Variants in VPS13C observed in about 807,000 individuals in gnomAD.
The protein encoded by VPS13C is vacuolar protein sorting 13 homolog C.
A neutral mutation model predicts 456.8 loss-of-function variants in VPS13C; 358 were observed. That is an observed-to-expected ratio of 0.78 (90% CI 0.72 to 0.86). The LOEUF (loss-of-function observed/expected upper bound fraction) is 0.86, where lower values mean the gene tolerates loss of function less well. Among genes scored for constraint, VPS13C ranks in the 40% least tolerant of loss-of-function variants. The probability of loss-of-function intolerance (pLI) is 0.00; values close to 1 mark genes in which losing one functional copy is unlikely to be tolerated. For missense variants in VPS13C, 4,818 were observed against 4,385.4 expected, an observed-to-expected ratio of 1.10 and a Z score of -2.79; for synonymous variants, 1,578 against 1,486.7, an observed-to-expected ratio of 1.06 and a Z score of -1.41.
chr15:62,032,505 G>A (rs2047852947), intron 5 of VPS13C, among the ~76,000 whole-genome samples: 1 of 151,508 alleles, frequency 6.6e-6, no homozygotes, highest in Admixed American at 6.6e-5. Flanking sequence ...CAATATTTCT[G>A]CATAAGAAAA....
At chr15:61,995,941 A>T (rs2140437600) in intron 16 of VPS13C, among the ~76,000 whole-genome samples, 1 of 152,224 alleles carries the variant, frequency 6.6e-6, no homozygotes, top group East Asian at 1.9e-4. Context: ...CAAGGGCCTC[A>T]CCATGGAGCA....
At position 61,951,955 on chromosome 15, in the gene VPS13C, G is replaced by C; in HGVS notation, c.4325C>G (p.Ser1442Ter). 3.1e-6 allele frequency: 5 copies of C among 1,612,594 alleles called. No individual in the cohort carries two copies. Among genetic ancestry groups the C allele is most frequent in the Non-Finnish European group, 4.2e-6 (5 of 1,179,470 alleles). The change falls in exon 39 of 85, where the codon TCA becomes TGA. Residue 1442 changes from serine (S) to a stop codon, truncating the protein, a stop_gained. Coordinates refer to ENST00000644861, the MANE Select transcript of VPS13C (RefSeq NM_020821.3). LOFTEE classifies it high-confidence loss of function. ...KEVVVTLMKK[S>*]EKKGRPLHEL... is the part of the protein sequence containing the mutation. ...ATGTAAAGGCCTTCCTTTCTTTTCT[G>C]ATTTTTTCATCAAAGTAACCACAAC...
intron 16 of VPS13C, among the ~76,000 whole-genome samples, chr15:61,995,742 T>C (rs2046362318): frequency 6.6e-6 from 1 of 152,186 alleles, no homozygotes; most frequent in Non-Finnish European, 1.5e-5. Flanking sequence ...CCTCCATCAG[T>C]CACGTTTCAG....
intron 15 of VPS13C, among the ~76,000 whole-genome samples, chr15:62,001,630 T>G (rs2046619880): frequency 6.6e-6 from 1 of 152,206 alleles, no homozygotes; most frequent in Non-Finnish European, 1.5e-5. Context: ...TAACTTGTCA[T>G]CTAGCATTAG....
intron 5 of VPS13C, among the ~76,000 whole-genome samples, chr15:62,032,797 A>C (rs2047862305): frequency 1.3e-5 from 2 of 151,818 alleles, no homozygotes; most frequent in African/African-American, 4.8e-5. Context: ...TGATTGAGAT[A>C]AACAATAGAT....
At chr15:62,001,404 G>C (rs2046609167) in intron 15 of VPS13C, among the ~76,000 whole-genome samples, 1 of 152,100 alleles carries the variant, frequency 6.6e-6, no homozygotes, top group Non-Finnish European at 1.5e-5. Context: ...TTCACATTAT[G>C]AATCATTGCT....
chr15:61,871,660 G>A (rs1025888847), intron 79 of VPS13C, among the ~76,000 whole-genome samples: 2 of 152,030 alleles, frequency 1.3e-5, no homozygotes, highest in African/African-American at 4.8e-5. Flanking sequence ...CTGGGATTTT[G>A]ATAAGGGTTG....
intron 78 of VPS13C, 60 bp from the exon 79 acceptor site, chr15:61,872,094 A>T: frequency 6.3e-6 from 9 of 1,430,354 alleles, no homozygotes; most frequent in Non-Finnish European, 8.8e-6. Context: ...TTTTAAACCA[A>T]CCACTAGAGG....
rs1424357444 is a variant in VPS13C, at chr15:61,880,734, A to T, written c.9889-12T>A. 1.3e-6 allele frequency: 2 copies of T among 1,551,724 alleles called. No homozygotes were observed. Among genetic ancestry groups the T allele is most frequent in the Non-Finnish European group, 1.7e-6 (2 of 1,146,628 alleles). On this transcript the variant is annotated splice_polypyrimidine_tract_variant and intron_variant, in intron 72 of 84. Transcript: ENST00000644861. ...TGGATTAACTTTGTCTGAAAAAAAT[A>T]AAATCAAGAATTTCTATTTTAATTT...
Position 61,931,099 on chromosome 15 carries a change from GCT to G in VPS13C, c.6027_6028del (p.Arg2009SerfsTer7), listed in dbSNP as rs1202057084. 2 of 1,613,942 alleles carry G rather than the reference GCT, an allele frequency of 1.2e-6. No individual in the cohort carries two copies. Among genetic ancestry groups the G allele is most frequent in the Non-Finnish European group, 1.7e-6 (2 of 1,179,998 alleles). ...CTCAGAGCTGACAAACCTCGATGTT[GCT>G]CTCTCAATTCCTTCTCTGAGATCAT... On this transcript the variant is annotated frameshift_variant, in exon 50 of 85. Transcript: ENST00000644861. LOFTEE classifies it high-confidence loss of function.
intron 67 of VPS13C, among the ~76,000 whole-genome samples, chr15:61,887,125 C>A (rs1896327519): frequency 6.6e-6 from 1 of 150,750 alleles, no homozygotes; most frequent in Admixed American, 6.7e-5. Context: ...TTTGACATGA[C>A]TGTCTAAACA....
rs377113334 is a variant in VPS13C at position 61,915,918 on chromosome 15, G to T, written c.8160C>A (p.Gly2720=). The T allele has an allele frequency of 6.2e-6, 10 of 1,613,800 alleles. No homozygotes were observed. The highest frequency in any genetic ancestry group is 1.6e-4 in the Middle Eastern group (1 of 6,084). ...TGCGGAAATGTCCATTCCAGTTTTT[G>T]CCCTGGTATTTCACCAGGACTAATT... The part of the protein sequence containing the change: ...IMELVLVKYQ[G]KNWNGHFRIR... Residue 2720 remains glycine, a synonymous_variant, in exon 61 of 85, where the codon GGC becomes GGA. Transcript: ENST00000644861.
intron 80 of VPS13C, 121 bp downstream of exon 80, chr15:61,869,379 C>T (rs1894844235): frequency 1.8e-6 from 2 of 1,129,310 alleles, no homozygotes; most frequent in Non-Finnish European, 1.2e-6. Flanking sequence ...TTAAAGCTAC[C>T]ACAGCTTTCA....
chr15:61,941,971 G>C lies in VPS13C; in HGVS notation c.5245C>G (p.Gln1749Glu), dbSNP rs2044442119. Reference protein sequence around the residue: ...RAASSMKDLAQKSFRLLMDIN... With the variant: ...RAASSMKDLAEKSFRLLMDIN... ...TCCATCAAAAGGCGGAAACTCTTTTGAGCCAAGTCTTTCATGCTGGAAGCA... is the reference window on the plus strand; with the variant it reads ...TCCATCAAAAGGCGGAAACTCTTTTCAGCCAAGTCTTTCATGCTGGAAGCA... Residue 1749 changes from glutamine to glutamate, a missense_variant, in exon 46 of 85, where the codon CAA becomes GAA. By Grantham distance (29) the Gln-to-Glu change is conservative. This residue lies in a region of VPS13C where 4,552 missense variants were observed against 4,130.6 expected (regional missense o/e 1.10). Coordinates refer to ENST00000644861, the MANE Select transcript of VPS13C (RefSeq NM_020821.3). The C allele has an allele frequency of 1.9e-6, 3 of 1,613,860 alleles. No individual in the cohort carries two copies. The highest frequency in any genetic ancestry group is 2.5e-6 in the Non-Finnish European group (3 of 1,179,940).
In VPS13C at chr15:62,055,403, A is replaced by ATT. The variant is rs35306432; in HGVS notation, c.100+4870_100+4871dup. On this transcript the variant is annotated intron_variant, in intron 1 of 84. Transcript: ENST00000644861. ...CCCCCATGCCCGGCTAATTTTTTGTATTTTTTTTTTTTTTTTTTTAGTGGA... is the reference window on the plus strand; with the variant it reads ...CCCCCATGCCCGGCTAATTTTTTGTATTTTTTTTTTTTTTTTTTTTTAGTGGA... Among the ~76,000 whole-genome samples the ATT allele has an allele frequency of 9.1e-4, 106 of 115,940 alleles. 2 individuals are homozygous for ATT. The highest frequency in any genetic ancestry group is 1.2e-3 in the African/African-American group (38 of 32,222). 76.1% of individuals were successfully genotyped at this position (115,940 alleles called of 152,430 possible).
At position 61,856,306 on chromosome 15, in the gene VPS13C, C is replaced by T. The variant is rs1486975035; in HGVS notation, c.11056G>A (p.Val3686Met). 3.7e-6 allele frequency: 6 copies of T among 1,613,156 alleles called. No individual in the cohort carries two copies. Among genetic ancestry groups the T allele is most frequent in the South Asian group, 2.2e-5 (2 of 91,008 alleles). ...CTTACCTTAACTGAAATTTTTAGCACATTTTCACTGACACTAGGAGGAAAT... is the reference window on the plus strand; with the variant it reads ...CTTACCTTAACTGAAATTTTTAGCATATTTTCACTGACACTAGGAGGAAAT... ...FVFPPSVSENVLKISVKEQGL... is the reference protein window; with the variant it reads ...FVFPPSVSENMLKISVKEQGL... The change falls in exon 83 of 85, where the codon GTG (valine) becomes ATG (methionine). Residue 3686 changes from valine (V) to methionine (M), a missense_variant. Physicochemically the swap from Val to Met is conservative, Grantham distance 21 (BLOSUM62 1). Coordinates refer to ENST00000644861, the MANE Select transcript of VPS13C (RefSeq NM_020821.3).
Position 61,941,850 on chromosome 15 carries a change from T to C in VPS13C, c.5366A>G (p.Lys1789Arg). Residue 1789 changes from lysine (K) to arginine (R), a missense_variant, in exon 46 of 85, where the codon AAG becomes AGG. Around this residue, in one of 3 missense-constraint regions of VPS13C, gnomAD observed 4,552 missense variants for 4,130.6 expected, o/e 1.10. Coordinates refer to ENST00000644861, the MANE Select transcript of VPS13C (RefSeq NM_020821.3). ...ATGTTCCATAGGAACCAAGCTAAAC[T>C]TGTTTTCAACTCTGATTAAACCCAG... ...ADLGLIRVEN[K>R]FSLVPMEHYS... is the part of the protein sequence containing the mutation. 3 of 1,613,968 alleles carry C rather than the reference T, an allele frequency of 1.9e-6. No individual in the cohort carries two copies. Among genetic ancestry groups the C allele is most frequent in the Non-Finnish European group, 2.5e-6 (3 of 1,179,882 alleles).
chr15:61,959,635 G>T, intron 35 of VPS13C, 40 bp from the exon 36 acceptor site: 2 of 1,569,516 alleles, frequency 1.3e-6, no homozygotes, highest in Non-Finnish European at 1.7e-6. Context: ...ATAGATATAG[G>T]GTAGAAATGC....
rs906147237 is a variant in VPS13C at position 62,001,484 on chromosome 15, AT to A, written c.1291-859del. On this transcript the variant is annotated intron_variant, in intron 15 of 84. Coordinates refer to ENST00000644861, the MANE Select transcript of VPS13C (RefSeq NM_020821.3). Reference sequence around the variant, plus strand: ...TGTATCCAGTGTGTTTCTACCTTTTATTTTTTTTGATTATTTGTTTGTTCGT... The same window carrying A: ...TGTATCCAGTGTGTTTCTACCTTTTATTTTTTTGATTATTTGTTTGTTCGT... Among the ~76,000 whole-genome samples, 4 of 151,480 alleles carry A rather than the reference AT, an allele frequency of 2.6e-5. No individual in the cohort carries two copies. In the South Asian group the frequency reaches 6.3e-4, roughly 24 times the overall value.
Sources: allele counts gnomAD v4.1 joint callset (sites outside exome capture counted in the v4.1 genomes callset), GRCh38; gene constraint gnomAD v4.1.1; regional missense constraint gnomAD v4.1.1; transcripts MANE v1.5; gene names NCBI Gene and HGNC (gene_info 2026-07-23, HGNC 2026-07-21).